RIN2: variants seen among roughly 807,000 people sequenced by gnomAD.
RIN2 encodes the protein Ras and Rab interactor 2.
RIN2 carries 36 observed loss-of-function variants against 78.0 expected under a neutral mutation model. The ratio of observed to expected loss-of-function variants is 0.46; its 90% confidence interval spans 0.35 to 0.61. The LOEUF (loss-of-function observed/expected upper bound fraction) is 0.61, where lower values mean the gene tolerates loss of function less well. Ranked by LOEUF, RIN2 falls within the 20% of genes least tolerant of loss-of-function variation. The pLI, the probability that RIN2 is intolerant of heterozygous loss-of-function variation, is 0.00. For missense variants in RIN2, 1,087 were observed against 1,159.7 expected, an observed-to-expected ratio of 0.94 and a Z score of 0.91; for synonymous variants, 466 against 466.8, an observed-to-expected ratio of 1.00 and a Z score of 0.02.
intron 3 of RIN2, among the ~76,000 whole-genome samples, chr20:19,901,562 T>G (rs529364428): frequency 3.9e-4 from 59 of 152,340 alleles, no homozygotes; most frequent in Non-Finnish European, 3.7e-4. Context: ...CAAACTCCGT[T>G]GTTGGTATAC....
chr20:19,817,042 A>G, intron 2 of RIN2, among the ~76,000 whole-genome samples: 1 of 152,176 alleles, frequency 6.6e-6, no homozygotes, highest in East Asian at 1.9e-4. Context: ...AAGTGTGTAC[A>G]TTTGCTAGAG....
chr20:19,892,081 C>T (rs7263204), intron 3 of RIN2, among the ~76,000 whole-genome samples: 3,519 of 152,232 alleles, frequency 0.023, 117 homozygotes, highest in African/African-American at 0.081. Flanking sequence ...TGCCTGACCC[C>T]GCCAAGGGTG....
chr20:19,870,939 G>A (rs570742223), intron 2 of RIN2, among the ~76,000 whole-genome samples: 1 of 152,298 alleles, frequency 6.6e-6, no homozygotes, highest in Admixed American at 6.5e-5. Flanking sequence ...TCTCCACTGT[G>A]TAGTTACTAT....
intron 2 of RIN2, among the ~76,000 whole-genome samples, chr20:19,826,975 G>GTT (rs11482314): frequency 0.12 from 15,958 of 128,574 alleles, 1,194 homozygotes; most frequent in South Asian, 0.22. Flanking sequence ...TTGGTTTTGG[G>GTT]TTTTTTTTTT....
chr20:19,971,052 G>A, intron 8 of RIN2, 123 bp downstream of exon 8: 1 of 713,358 alleles, frequency 1.4e-6, no homozygotes. Context: ...GTGAGTTTGG[G>A]CTATCCAAAA....
intron 2 of RIN2, among the ~76,000 whole-genome samples, chr20:19,827,314 A>G (rs899832095): frequency 2.0e-5 from 3 of 152,192 alleles, no homozygotes; most frequent in South Asian, 2.1e-4. Context: ...TGCGAAGTAC[A>G]TAAGGAATAT....
At chr20:19,840,515 C>T (rs1021599118) in intron 2 of RIN2, among the ~76,000 whole-genome samples, 4 of 152,342 alleles carry the variant, frequency 2.6e-5, no homozygotes, top group African/African-American at 9.6e-5. Context: ...CCCTTCCCCA[C>T]AGTTTATAGG....
intron 2 of RIN2, among the ~76,000 whole-genome samples, chr20:19,851,038 G>A (rs549201286): frequency 2.9e-3 from 259 of 88,340 alleles, no homozygotes; most frequent in African/African-American, 9.9e-3. Context: ...AGGAAGGAAG[G>A]AAGGAAGGAA....
At chr20:19,788,432 CAAAAAA>C (rs1224663738) in intron 1 of RIN2, among the ~76,000 whole-genome samples, 1 of 53,744 alleles carries the variant, frequency 1.9e-5, no homozygotes, top group African/African-American at 1.1e-4. Flanking sequence ...CTGTCTCTGC[CAAAAAA>C]AAAAAAAAAA....
chr20:20,000,894 C>T lies in RIN2; in HGVS notation c.2646C>T (p.Gly882=). ...VYKRIKNDPY[G]IIFQNGEEDL... is the part of the protein sequence containing the mutation. ...AACGCATCAAGAACGATCCTTATGGCATCATTTTCCAGAACGGGGAAGAAG... is the reference window on the plus strand; with the variant it reads ...AACGCATCAAGAACGATCCTTATGGTATCATTTTCCAGAACGGGGAAGAAG... Residue 882 remains glycine (G), a synonymous_variant, in exon 13 of 13, where the codon GGC becomes GGT. Coordinates refer to ENST00000255006, the MANE Select transcript of RIN2 (RefSeq NM_018993.4). The T allele has an allele frequency of 6.2e-7, 1 of 1,613,448 alleles. No homozygotes were observed. Among genetic ancestry groups the T allele is most frequent in the Admixed American group, 1.7e-5 (1 of 60,016 alleles).
chr20:19,798,212 A>AT (rs1235991092), intron 1 of RIN2, among the ~76,000 whole-genome samples: 2 of 152,016 alleles, frequency 1.3e-5, no homozygotes, highest in South Asian at 2.1e-4. Flanking sequence ...CAATTACCCT[A>AT]TTTTTTTATA....
At chr20:19,758,488 C>A (rs1394166232) in intron 1 of RIN2, among the ~76,000 whole-genome samples, 161 bp downstream of exon 1, 3 of 152,096 alleles carry the variant, frequency 2.0e-5, no homozygotes, top group African/African-American at 7.2e-5. Context: ...ACAGCCAGAG[C>A]GCGTCCTCGG....
At chr20:19,813,670 G>A (rs1375248114) in intron 2 of RIN2, among the ~76,000 whole-genome samples, 1 of 152,158 alleles carries the variant, frequency 6.6e-6, no homozygotes, top group Non-Finnish European at 1.5e-5. Context: ...AAATAGACCT[G>A]TAGCTTTTAA....
intron 3 of RIN2, among the ~76,000 whole-genome samples, chr20:19,913,967 G>A (rs1191582597): frequency 6.6e-6 from 1 of 152,214 alleles, no homozygotes; most frequent in African/African-American, 2.4e-5. Context: ...ATGTGATTAA[G>A]GGGGCCCATC....
chr20:19,956,938 G>A, intron 5 of RIN2, 131 bp downstream of exon 5: 6 of 731,264 alleles, frequency 8.2e-6, no homozygotes, highest in South Asian at 2.1e-5. Flanking sequence ...TGTGTAACTG[G>A]TTTTCAATGC....
chr20:19,986,723 G>GATGATAACAGTTGCCCGTGGGGTTC, intron 9 of RIN2, among the ~76,000 whole-genome samples: 1 of 152,230 alleles, frequency 6.6e-6, no homozygotes, highest in African/African-American at 2.4e-5. Flanking sequence ...GGCTCACTCT[G>GATGATAACAGTTGCCCGTGGGGTTC]ATGATAACAG....
At chr20:19,827,527 T>C (rs1600551154) in intron 2 of RIN2, among the ~76,000 whole-genome samples, 1 of 152,226 alleles carries the variant, frequency 6.6e-6, no homozygotes, top group South Asian at 2.1e-4. Context: ...ACCAGCTTTG[T>C]CCAGCCCTCT....
chr20:19,897,950 G>T (rs960893578), intron 3 of RIN2, among the ~76,000 whole-genome samples: 6 of 152,284 alleles, frequency 3.9e-5, no homozygotes, highest in Middle Eastern at 3.4e-3. Context: ...TTGGGCTCAA[G>T]TGACCCTCCT....
chr20:19,925,313 T>A, intron 3 of RIN2, among the ~76,000 whole-genome samples: 1 of 152,104 alleles, frequency 6.6e-6, no homozygotes, highest in East Asian at 1.9e-4. Context: ...AATAAATACA[T>A]CATATATAAA....
Sources: allele counts gnomAD v4.1 joint callset (sites outside exome capture counted in the v4.1 genomes callset), GRCh38; gene constraint gnomAD v4.1.1; transcripts MANE v1.5; gene names NCBI Gene and HGNC (gene_info 2026-07-23, HGNC 2026-07-21).